The following COBL variants were observed in gnomAD, a reference collection of about 807,000 sequenced individuals.
COBL encodes cordon-bleu WH2 repeat protein, also known as protein cordon-bleu.
In COBL, 51 loss-of-function variants were observed where a neutral mutation model predicts 98.8. The ratio of observed to expected loss-of-function variants is 0.52; its 90% confidence interval spans 0.41 to 0.65. The LOEUF (loss-of-function observed/expected upper bound fraction) is 0.65. COBL is among the 30% of genes least tolerant of loss of function. The pLI is 0.00. For synonymous variants in COBL, 634 were observed against 651.7 expected, an observed-to-expected ratio of 0.97 and a Z score of 0.41; for missense variants, 1,617 against 1,617.5, an observed-to-expected ratio of 1.00 and a Z score of 0.01.
At chr7:51,171,933 C>G (rs984374483) in intron 5 of COBL, among the ~76,000 whole-genome samples, 1 of 152,124 alleles carries the variant, frequency 6.6e-6, no homozygotes, top group Non-Finnish European at 1.5e-5. Context: ...AAAGATCCAA[C>G]TTTTATTAGA....
chr7:51,064,720 T>A (rs1791723419), intron 7 of COBL: 1 of 160,522 alleles, frequency 6.2e-6, no homozygotes, highest in Non-Finnish European at 1.4e-5. Context: ...TCTACTGAAG[T>A]ATGCATTTGA....
chr7:51,236,057 G>C (rs1313793184), intron 1 of COBL, among the ~76,000 whole-genome samples: 4 of 152,168 alleles, frequency 2.6e-5, no homozygotes, highest in African/African-American at 4.8e-5. Flanking sequence ...CAGGGGCCTG[G>C]GCTCACTTGG....
In COBL at chr7:51,036,295, C is replaced by T. The variant is rs190343339; in HGVS notation, c.1407-5386G>A. 3.9e-4 allele frequency among the ~76,000 whole-genome samples: 56 copies of T among 142,652 alleles called. No individual in the cohort carries two copies. In the East Asian group the frequency reaches 9.5e-3, roughly 24 times the overall value. The allele number at this position is 142,652 out of a possible 152,430, so 93.6% of individuals were successfully genotyped here. A position where few individuals can be genotyped will look rare whatever the true frequency, so the allele number is the denominator to read the frequency against. ...GAGGATGCAGTGAGCCAAGATCGCA[C>T]CACTGCACTACAGCCTGGGTGACAG... On this transcript the variant is annotated intron_variant, in intron 8 of 12. Transcript: ENST00000265136.
chr7:51,193,522 G>A lies in COBL; in HGVS notation c.313C>T (p.Leu105Phe), dbSNP rs200924032. The A allele has an allele frequency of 6.2e-7, 1 of 1,614,206 alleles. No individual in the cohort carries two copies. Among genetic ancestry groups the A allele is most frequent in the Non-Finnish European group, 8.5e-7 (1 of 1,180,030 alleles). The change falls in exon 3 of 13, where the codon CTT (leucine) becomes TTT (phenylalanine). Residue 105 changes from leucine (L) to phenylalanine (F), a missense_variant. Leu to Phe is a conservative substitution (Grantham distance 22). This residue lies in a region of COBL where 238 missense variants were observed against 215.0 expected (regional missense o/e 1.11). Coordinates refer to ENST00000265136, the MANE Select transcript of COBL (RefSeq NM_015198.5). ...TGGGTTTCTGAAGACCGAATTTCAA[G>A]GGCATGGTGGGATGGATTCAGGTGG... ...QNHLNPSHHA[L>F]EIRSSETQQP...
intron 7 of COBL, among the ~76,000 whole-genome samples, chr7:51,054,214 C>T (rs909556994): frequency 1.3e-5 from 2 of 152,068 alleles, no homozygotes; most frequent in African/African-American, 2.4e-5. Flanking sequence ...AAACAAAGAA[C>T]ACATAAAAAG....
At chr7:51,208,458 C>T (rs1483599397) in intron 2 of COBL, among the ~76,000 whole-genome samples, 4 of 150,504 alleles carry the variant, frequency 2.7e-5, no homozygotes, top group South Asian at 4.2e-4. Flanking sequence ...GCCCCCCGCC[C>T]GGCCAGCCAC....
At chr7:51,239,058 T>C (rs895434089) in intron 1 of COBL, among the ~76,000 whole-genome samples, 9 of 152,222 alleles carry the variant, frequency 5.9e-5, no homozygotes, top group Admixed American at 2.0e-4. Flanking sequence ...GCAGCCCTTA[T>C]CACTTCCTAC....
chr7:51,024,764 G>A (rs1198346968), intron 12 of COBL, among the ~76,000 whole-genome samples: 1 of 152,216 alleles, frequency 6.6e-6, no homozygotes, highest in Non-Finnish European at 1.5e-5. Flanking sequence ...GCCCCAAATG[G>A]ATGATCTTCC....
chr7:51,017,584 A>T lies in COBL; in HGVS notation c.3769-16T>A, dbSNP rs1470681306. ...GCAAGGGCACCTGCAGGGAAGAGAGATTCACAGTTATTTGGTATGTCAATA... is the reference window on the plus strand; with the variant it reads ...GCAAGGGCACCTGCAGGGAAGAGAGTTTCACAGTTATTTGGTATGTCAATA... On this transcript the variant is annotated splice_polypyrimidine_tract_variant and intron_variant, in intron 12 of 12. Transcript: ENST00000265136. 1.3e-5 allele frequency: 21 copies of T among 1,613,686 alleles called. No homozygotes were observed. The highest frequency in any genetic ancestry group is 1.7e-5 in the Non-Finnish European group (20 of 1,179,750).
chr7:51,206,778 A>T (rs1213564653), intron 2 of COBL, among the ~76,000 whole-genome samples: 1 of 152,224 alleles, frequency 6.6e-6, no homozygotes, highest in African/African-American at 2.4e-5. Flanking sequence ...ACAGAAAGAC[A>T]AACACACCAC....
At position 51,028,518 on chromosome 7, in the gene COBL, G is replaced by C. The variant is rs1334886310; in HGVS notation, c.2578C>G (p.Gln860Glu). Residue 860 changes from glutamine (Q) to glutamate (E), a missense_variant, in exon 10 of 13, where the codon CAG (glutamine) becomes GAG (glutamate). Transcript: ENST00000265136. ...HTTEVTFLKPQRRTSSQYVAS... is the reference protein window; with the variant it reads ...HTTEVTFLKPERRTSSQYVAS... ...ACATACTGGCTGGACGTTCTTCTCT[G>C]AGGCTTGAGAAATGTGACTTCTGTG... 3 of 1,614,264 alleles carry C rather than the reference G, an allele frequency of 1.9e-6. No individual in the cohort carries two copies. The highest frequency in any genetic ancestry group is 2.5e-6 in the Non-Finnish European group (3 of 1,180,052).
intron 6 of COBL, among the ~76,000 whole-genome samples, chr7:51,106,321 G>C (rs768034758): frequency 6.6e-6 from 1 of 152,020 alleles, no homozygotes; most frequent in African/African-American, 2.4e-5. Flanking sequence ...TTCCTGTCGA[G>C]AACAAGCTAT....
At chr7:51,197,817 T>G (rs79440862) in intron 2 of COBL, among the ~76,000 whole-genome samples, 1 of 152,188 alleles carries the variant, frequency 6.6e-6, no homozygotes, top group Admixed American at 6.5e-5. Flanking sequence ...CTGTTGTGTC[T>G]GAAATTAGTA....
intron 5 of COBL, among the ~76,000 whole-genome samples, chr7:51,177,646 G>A (rs1000611054): frequency 3.9e-5 from 6 of 151,940 alleles, no homozygotes; most frequent in South Asian, 4.2e-4. Context: ...GGTAGCAGGC[G>A]CCTGTGATCC....
In COBL at chr7:51,219,734, C is replaced by T. The variant is rs765865853; in HGVS notation, c.245+7G>A. ...ACAGCGACTCCTCCTGCAGCACCGG[C>T]TCTCACCTCCCATTGAGCACGCTCC... On this transcript the variant is annotated splice_region_variant and intron_variant, in intron 2 of 12. Coordinates refer to ENST00000265136, the MANE Select transcript of COBL (RefSeq NM_015198.5). 4 of 1,612,706 alleles carry T rather than the reference C, an allele frequency of 2.5e-6. No individual in the cohort carries two copies. The South Asian group carries it at 4.4e-5, about 18-fold the overall frequency.
chr7:51,235,768 T>C (rs1438645924), intron 1 of COBL, among the ~76,000 whole-genome samples: 1 of 151,996 alleles, frequency 6.6e-6, no homozygotes, highest in Non-Finnish European at 1.5e-5. Flanking sequence ...ACAACAAACA[T>C]TGTAAGTCAG....
At chr7:51,073,631 C>G (rs1344070719) in intron 7 of COBL, among the ~76,000 whole-genome samples, 1 of 152,134 alleles carries the variant, frequency 6.6e-6, no homozygotes, top group East Asian at 1.9e-4. Flanking sequence ...ATAAGCATCA[C>G]TTCCCTCATG....
At chr7:51,063,841 T>C (rs1451079266) in intron 7 of COBL, among the ~76,000 whole-genome samples, 1 of 152,228 alleles carries the variant, frequency 6.6e-6, no homozygotes, top group Admixed American at 6.5e-5. Flanking sequence ...CCCCGAAACA[T>C]TTCTAAATGT....
intron 7 of COBL, among the ~76,000 whole-genome samples, chr7:51,057,515 C>T (rs1319966603): frequency 2.6e-5 from 4 of 152,068 alleles, no homozygotes; most frequent in Non-Finnish European, 5.9e-5. Context: ...GCTCCCCTCC[C>T]GTAGTCCAGC....
Sources: allele counts gnomAD v4.1 joint callset (sites outside exome capture counted in the v4.1 genomes callset), GRCh38; gene constraint gnomAD v4.1.1; regional missense constraint gnomAD v4.1.1; transcripts MANE v1.5; gene names NCBI Gene and HGNC (gene_info 2026-07-23, HGNC 2026-07-21).